RNPEP: variants seen among roughly 807,000 people sequenced by gnomAD.
RNPEP encodes the protein arginyl aminopeptidase.
RNPEP carries 57 observed loss-of-function variants against 70.1 expected under a neutral mutation model. The ratio of observed to expected loss-of-function variants is 0.81; its 90% CI spans 0.66 to 1.01. RNPEP has a LOEUF of 1.01. Among genes scored for constraint, RNPEP ranks in the 50% least tolerant of loss-of-function variants. The pLI, the probability that RNPEP is intolerant of heterozygous loss-of-function variation, is 0.00. For missense variants in RNPEP, 787 were observed against 852.4 expected, an observed-to-expected ratio of 0.92 and a Z score of 0.96; for synonymous variants, 335 against 357.4, an observed-to-expected ratio of 0.94 and a Z score of 0.71.
At chr1:201,988,545 G>C (rs1445491170) in intron 1 of RNPEP, among the ~76,000 whole-genome samples, 1 of 151,136 alleles carries the variant, frequency 6.6e-6, no homozygotes, top group Non-Finnish European at 1.5e-5. Flanking sequence ...AAGTCCAAAT[G>C]CAGTTGCTTC....
intron 8 of RNPEP, 175 bp from the exon 9 acceptor site, chr1:202,003,062 C>T (rs551891660): frequency 2.5e-5 from 15 of 594,624 alleles, no homozygotes; most frequent in South Asian, 8.7e-5. Context: ...CTCTAGATGT[C>T]GTTATAACTA....
intron 8 of RNPEP, chr1:202,003,002 A>C (rs1221443804): frequency 8.1e-6 from 4 of 493,928 alleles, no homozygotes; most frequent in African/African-American, 1.9e-5. Flanking sequence ...CTCTGACAAC[A>C]CAGTGCTAAT....
intron 1 of RNPEP, among the ~76,000 whole-genome samples, chr1:201,987,235 C>T (rs1486497154): frequency 6.6e-6 from 1 of 152,034 alleles, no homozygotes; most frequent in Non-Finnish European, 1.5e-5. Context: ...CATCTCAATC[C>T]TGCGTGTCTT....
rs746571280 is a variant in RNPEP at position 201,999,903 on chromosome 1, C to A, written c.1092C>A (p.Gly364=). ...AQRRISTILF[G]AAYTCLEAAT... The stretch of plus-strand genomic sequence containing the variant: ...GGCTTACGTTTGATTCTGCACCAGG[C>A]GCTGCGTACACCTGCTTGGAGGCTG... The change falls in exon 6 of 11, where the codon GGC becomes GGA. Residue 364 remains glycine, a splice_region_variant and synonymous_variant. Coordinates refer to ENST00000295640, the MANE Select transcript of RNPEP (RefSeq NM_020216.4). 2.6e-4 allele frequency: 427 copies of A among 1,612,118 alleles called. No homozygotes were observed. The highest frequency in any genetic ancestry group is 3.6e-4 in the Non-Finnish European group (422 of 1,178,940).
intron 3 of RNPEP, among the ~76,000 whole-genome samples, chr1:201,990,448 TC>T (rs546410035): frequency 6.6e-6 from 1 of 152,248 alleles, no homozygotes; most frequent in Admixed American, 6.5e-5. Context: ...TATAGGTTTT[TC>T]CTGGCTCTCA....
At chr1:202,001,288 C>A in intron 6 of RNPEP, 88 bp from the exon 7 acceptor site, 1 of 892,498 alleles carries the variant, frequency 1.1e-6, no homozygotes. Flanking sequence ...TCTCTTCCAT[C>A]GCTAGTCTTT....
intron 8 of RNPEP, 43 bp downstream of exon 8, chr1:202,001,810 A>G (rs1268426706): frequency 8.3e-7 from 1 of 1,204,274 alleles, no homozygotes; most frequent in African/African-American, 1.5e-5. Flanking sequence ...AAAATAGTAG[A>G]GAATGAGATC....
chr1:201,986,206 A>G (rs1222582009), intron 1 of RNPEP, among the ~76,000 whole-genome samples: 1 of 152,154 alleles, frequency 6.6e-6, no homozygotes, highest in Non-Finnish European at 1.5e-5. Context: ...AGAAAGTGCT[A>G]GAATTACAGG....
chr1:201,985,610 T>C (rs1683105515), intron 1 of RNPEP, among the ~76,000 whole-genome samples: 4 of 152,194 alleles, frequency 2.6e-5, no homozygotes, highest in Admixed American at 2.6e-4. Flanking sequence ...ACCTCCTACA[T>C]ACACATATAC....
chr1:201,987,983 A>G (rs972697067), intron 1 of RNPEP, among the ~76,000 whole-genome samples: 6 of 151,640 alleles, frequency 4.0e-5, no homozygotes, highest in Admixed American at 3.9e-4. Context: ...TCTACTAAAA[A>G]TACAAAATTA....
At chr1:201,998,597 C>A (rs1273481314) in intron 5 of RNPEP, among the ~76,000 whole-genome samples, 2 of 152,048 alleles carry the variant, frequency 1.3e-5, no homozygotes, top group East Asian at 3.9e-4. Flanking sequence ...CCATTATCTT[C>A]CAGAAAGTTT....
At chr1:202,005,154 G>A (rs1232814642) in intron 10 of RNPEP, among the ~76,000 whole-genome samples, 2 of 152,208 alleles carry the variant, frequency 1.3e-5, no homozygotes, top group African/African-American at 4.8e-5. Flanking sequence ...GGGTTGACCT[G>A]TGGGTTTTCC....
Position 201,982,986 on chromosome 1 carries a change from C to T in RNPEP, c.320C>T (p.Pro107Leu). Residue 107 changes from proline (P) to leucine (L), a missense_variant, in exon 1 of 11, where the codon CCC becomes CTC. By Grantham distance (98) the Pro-to-Leu change is moderately conservative. Coordinates refer to ENST00000295640, the MANE Select transcript of RNPEP (RefSeq NM_020216.4). ...RPGSEEPPAEPVSFYTQPFSH... is the reference protein window; with the variant it reads ...RPGSEEPPAELVSFYTQPFSH... ...GGCTCGGAGGAGCCGCCTGCGGAGCCCGTGAGCTTCTACACGCAGCCCTTC... is the reference window on the plus strand; with the variant it reads ...GGCTCGGAGGAGCCGCCTGCGGAGCTCGTGAGCTTCTACACGCAGCCCTTC... The T allele has an allele frequency of 6.6e-7, 1 of 1,516,188 alleles. No homozygotes were observed. The allele number at this position is 1,516,188 out of a possible 1,614,324, so 93.9% of individuals were successfully genotyped here. A position where few individuals can be genotyped will look rare whatever the true frequency, so the allele number is the denominator to read the frequency against.
intron 5 of RNPEP, among the ~76,000 whole-genome samples, chr1:201,999,473 C>T (rs113937682): frequency 4.7e-4 from 70 of 149,142 alleles, no homozygotes; most frequent in African/African-American, 1.6e-3. Flanking sequence ...CAGGAGGAGA[C>T]GGAGGTTGCA....
intron 4 of RNPEP, 195 bp downstream of exon 4, chr1:201,996,458 A>T: frequency 2.7e-6 from 1 of 373,454 alleles, no homozygotes; most frequent in African/African-American, 2.8e-5. Flanking sequence ...CTAGGAGATG[A>T]GGTTCTTTGT....
chr1:201,999,239 C>T (rs1683691964), intron 5 of RNPEP, among the ~76,000 whole-genome samples: 2 of 146,942 alleles, frequency 1.4e-5, no homozygotes, highest in Non-Finnish European at 3.0e-5. Flanking sequence ...AAAATCAAAT[C>T]ATTTTCTAAA....
chr1:201,997,768 T>TTTTG (rs2102976120), intron 5 of RNPEP, among the ~76,000 whole-genome samples: 2 of 150,998 alleles, frequency 1.3e-5, no homozygotes, highest in South Asian at 4.2e-4. Flanking sequence ...GGTCATTAGT[T>TTTTG]TTTTTTTTTT....
chr1:202,003,164 T>C (rs1558268512), intron 8 of RNPEP, 73 bp from the exon 9 acceptor site: 1 of 1,060,562 alleles, frequency 9.4e-7, no homozygotes, highest in Admixed American at 2.3e-5. Flanking sequence ...TTGAGGTCTC[T>C]GGGAGTTGCT....
In RNPEP at chr1:202,003,469, A is replaced by G. The variant is rs1683918774; in HGVS notation, c.1651+8A>G. The G allele has an allele frequency of 6.3e-7, 1 of 1,595,680 alleles. No individual in the cohort carries two copies. Among genetic ancestry groups the G allele is most frequent in the Non-Finnish European group, 8.6e-7 (1 of 1,164,790 alleles). On this transcript the variant is annotated splice_region_variant and intron_variant, in intron 9 of 10. Transcript: ENST00000295640. Reference sequence around the variant, plus strand: ...AATCCCCTCTCCCTCCTGGTAAGAAAAAATGGTGAACCAGGGCTCCTTGTG... The same window carrying G: ...AATCCCCTCTCCCTCCTGGTAAGAAGAAATGGTGAACCAGGGCTCCTTGTG...
Sources: allele counts gnomAD v4.1 joint callset (sites outside exome capture counted in the v4.1 genomes callset), GRCh38; gene constraint gnomAD v4.1.1; transcripts MANE v1.5; gene names NCBI Gene and HGNC (gene_info 2026-07-23, HGNC 2026-07-21).